SLC45A1: variants seen among roughly 807,000 people sequenced by gnomAD.
SLC45A1 encodes the protein proton-associated sugar transporter A.
SLC45A1 carries 28 observed loss-of-function variants against 57.6 expected under a neutral mutation model. The ratio of observed to expected loss-of-function variants is 0.49; its 90% CI spans 0.36 to 0.67. The LOEUF is 0.67. SLC45A1 is among the 30% of genes least tolerant of loss of function. SLC45A1 has a pLI of 0.00. For synonymous variants in SLC45A1, 459 were observed against 471.5 expected, an observed-to-expected ratio of 0.97 and a Z score of 0.34; for missense variants, 814 against 1,041.5, an observed-to-expected ratio of 0.78 and a Z score of 3.01.
At chr1:8,332,086 C>T (rs1263818449) in intron 5 of SLC45A1, among the ~76,000 whole-genome samples, 1 of 152,236 alleles carries the variant, frequency 6.6e-6, no homozygotes, top group African/African-American at 2.4e-5. Context: ...GCCACTGCGC[C>T]CGGCCGACAA....
In SLC45A1 at chr1:8,326,747, G is replaced by A. The variant is rs1055539283; in HGVS notation, c.715+705G>A. Among the ~76,000 whole-genome samples, 1 of 152,170 alleles carries A rather than the reference G, an allele frequency of 6.6e-6. No individual in the cohort carries two copies. The highest frequency in any genetic ancestry group is 1.5e-5 in the Non-Finnish European group (1 of 68,024). Reference sequence around the variant, plus strand: ...TAATCCCAGCACTTTGGGAGGGTGAGGTGGGTGGATCACCTGAGGTCGGGA... The same window carrying A: ...TAATCCCAGCACTTTGGGAGGGTGAAGTGGGTGGATCACCTGAGGTCGGGA... On this transcript the variant is annotated intron_variant, in intron 4 of 8. Coordinates refer to ENST00000471889, the MANE Select transcript of SLC45A1 (RefSeq NM_001080397.3). The surrounding 1 kb of genome is among the most constrained non-coding windows in gnomAD (Gnocchi z 5.5).
At chr1:8,332,548 G>T (rs1640448215) in intron 5 of SLC45A1, among the ~76,000 whole-genome samples, 3 of 144,020 alleles carry the variant, frequency 2.1e-5, no homozygotes, top group Admixed American at 7.2e-5. Flanking sequence ...GTCTTGCTCT[G>T]TTGCCCAGGC....
chr1:8,321,692 G>T (rs528159286), intron 1 of SLC45A1, among the ~76,000 whole-genome samples: 32 of 152,196 alleles, frequency 2.1e-4, no homozygotes, highest in African/African-American at 7.7e-4. Context: ...TAGGTAGATG[G>T]GTGAGTGGAA....
rs137913067 is a variant in SLC45A1, at chr1:8,328,362, C to T, written c.716-1847C>T. Among the ~76,000 whole-genome samples the T allele has an allele frequency of 1.5e-3, 232 of 152,318 alleles. 7 individuals are homozygous for T. In the East Asian group the frequency reaches 0.04, roughly 26 times the overall value. Reference sequence around the variant, plus strand: ...ACTTCCACAAGCCTCGGTCGCATCTCCTGGAAAATGTTGCCGCTTCTCTTC... The same window carrying T: ...ACTTCCACAAGCCTCGGTCGCATCTTCTGGAAAATGTTGCCGCTTCTCTTC... On this transcript the variant is annotated intron_variant, in intron 4 of 8. Coordinates refer to ENST00000471889, the MANE Select transcript of SLC45A1 (RefSeq NM_001080397.3). This position sits in a 1 kb window ranked among gnomAD's most constrained non-coding sequence, Gnocchi z 4.6.
chr1:8,328,531 G>A lies in SLC45A1; in HGVS notation c.716-1678G>A, dbSNP rs1309918611. 6.6e-6 allele frequency among the ~76,000 whole-genome samples: 1 copy of A among 152,148 alleles called. No individual in the cohort carries two copies. The highest frequency in any genetic ancestry group is 2.4e-5 in the African/African-American group (1 of 41,420). Reference sequence around the variant, plus strand: ...AGAATGCACCACTTTGATCATTCAAGAAAATTAGCTAGTAAAGTTCATCTG... The same window carrying A: ...AGAATGCACCACTTTGATCATTCAAAAAAATTAGCTAGTAAAGTTCATCTG... On this transcript the variant is annotated intron_variant, in intron 4 of 8. Coordinates refer to ENST00000471889, the MANE Select transcript of SLC45A1 (RefSeq NM_001080397.3). The surrounding 1 kb of genome is among the most constrained non-coding windows in gnomAD (Gnocchi z 4.6).
intron 1 of SLC45A1, among the ~76,000 whole-genome samples, chr1:8,322,984 T>C (rs1303278017): frequency 6.6e-6 from 1 of 152,166 alleles, no homozygotes; most frequent in African/African-American, 2.4e-5. Flanking sequence ...CAAGCTAACA[T>C]ATTAGAATCC....
Position 8,343,657 on chromosome 1 carries a change from G to C in SLC45A1, c.1981-90G>C. 1 of 1,469,280 alleles carries C rather than the reference G, an allele frequency of 6.8e-7. No homozygotes were observed. Among genetic ancestry groups the C allele is most frequent in the Non-Finnish European group, 9.2e-7 (1 of 1,087,706 alleles). The allele number at this position is 1,469,280 out of a possible 1,614,324, so 91.0% of individuals were successfully genotyped here. A position where few individuals can be genotyped will look rare whatever the true frequency, so the allele number is the denominator to read the frequency against. ...TGAGGCCGCTGTGTGTGGGCCGCTC[G>C]GGCCTCCTGGGCTCGCAGGACACAC... On this transcript the variant is annotated intron_variant, in intron 8 of 8. Transcript: ENST00000471889. The surrounding 1 kb of genome is among the most constrained non-coding windows in gnomAD (Gnocchi z 7.7).
chr1:8,324,614 T>C lies in SLC45A1; in HGVS notation c.285T>C (p.Phe95=). 2 of 1,612,478 alleles carry C rather than the reference T, an allele frequency of 1.2e-6. No homozygotes were observed. The highest frequency in any genetic ancestry group is 2.7e-5 in the African/African-American group (2 of 74,944). The change falls in exon 2 of 9, where the codon TTT becomes TTC. Residue 95 remains phenylalanine (F), a synonymous_variant. Transcript: ENST00000471889. The part of the protein sequence containing the change: ...RELLFNGCIL[F]GIEFSYAMET... ...TGCTTTTCAACGGCTGCATTCTCTT[T>C]GGCATCGAGTTCAGCTACGCCATGG...
At chr1:8,337,707 C>A in intron 6 of SLC45A1, 109 bp from the exon 7 acceptor site, 1 of 1,070,574 alleles carries the variant, frequency 9.3e-7, no homozygotes, top group Non-Finnish European at 1.4e-6. Context: ...CGTGAGCCAC[C>A]ACGCCCAGCT....
chr1:8,331,155 C>T (rs1027239962), intron 5 of SLC45A1, among the ~76,000 whole-genome samples: 4 of 152,242 alleles, frequency 2.6e-5, no homozygotes, highest in African/African-American at 9.6e-5. Flanking sequence ...GCAGGAGGAT[C>T]GCTTGAACTC....
chr1:8,342,921 AAAAG>A lies in SLC45A1; in HGVS notation c.1981-814_1981-811del, dbSNP rs138660173. On this transcript the variant is annotated intron_variant, in intron 8 of 8. Coordinates refer to ENST00000471889, the MANE Select transcript of SLC45A1 (RefSeq NM_001080397.3). ...CTCAAAAAAAAAAAAAAGAAAAGAG[AAAAG>A]AAAGAAAGAAAAGAAATGTGACCTG... Among the ~76,000 whole-genome samples the A allele has an allele frequency of 5.2e-3, 790 of 150,994 alleles. 8 individuals are homozygous for A. The highest frequency in any genetic ancestry group is 0.018 in the African/African-American group (758 of 41,186).
At chr1:8,336,971 AC>A (rs1640632936) in intron 6 of SLC45A1, among the ~76,000 whole-genome samples, 1 of 152,134 alleles carries the variant, frequency 6.6e-6, no homozygotes, top group African/African-American at 2.4e-5. Context: ...CTCCACTGCT[AC>A]CCTTGCCTCA....
At chr1:8,331,270 T>G (rs1439766601) in intron 5 of SLC45A1, among the ~76,000 whole-genome samples, 1 of 150,072 alleles carries the variant, frequency 6.7e-6, no homozygotes, top group Non-Finnish European at 1.5e-5. Flanking sequence ...TAAAAAACAC[T>G]TTTAAAAAAT....
rs2124335647 is a variant in SLC45A1, at chr1:8,344,045, T to C, written c.*32T>C. The C allele has an allele frequency of 1.3e-6, 2 of 1,579,228 alleles. No homozygotes were observed. The highest frequency in any genetic ancestry group is 8.6e-7 in the Non-Finnish European group (1 of 1,160,702). On this transcript the variant is annotated 3_prime_UTR_variant, in exon 9 of 9. Transcript: ENST00000471889. ...GGAGCCTCGACTCCGGACACGCGCCTGCACCTGGGGGTCTGGAGCAGGCCG... is the reference window on the plus strand; with the variant it reads ...GGAGCCTCGACTCCGGACACGCGCCCGCACCTGGGGGTCTGGAGCAGGCCG...
chr1:8,343,961 C>T lies in SLC45A1; in HGVS notation c.2195C>T (p.Pro732Leu). 6.2e-7 allele frequency: 1 copy of T among 1,613,910 alleles called. No individual in the cohort carries two copies. Among genetic ancestry groups the T allele is most frequent in the East Asian group, 2.2e-5 (1 of 44,872 alleles). The change falls in exon 9 of 9, where the codon CCT becomes CTT. Residue 732 changes from proline (P) to leucine (L), a missense_variant. Physicochemically the swap from Pro to Leu is moderately conservative, Grantham distance 98 (BLOSUM62 -3). Coordinates refer to ENST00000471889, the MANE Select transcript of SLC45A1 (RefSeq NM_001080397.3). The surrounding 1 kb of genome is among the most constrained non-coding windows in gnomAD (Gnocchi z 7.7). ...TCCCTGTTTGTCATTTATGAAATTCCTCCCAGCGACGCTGCAGACGAGGAG... is the reference window on the plus strand; with the variant it reads ...TCCCTGTTTGTCATTTATGAAATTCTTCCCAGCGACGCTGCAGACGAGGAG... ...YSSLFVIYEI[P>L]PSDAADEEHR...
chr1:8,337,771 G>T (rs369409984), intron 6 of SLC45A1, 45 bp from the exon 7 acceptor site: 6 of 1,564,778 alleles, frequency 3.8e-6, no homozygotes, highest in Non-Finnish European at 5.2e-6. Context: ...AGGGCAGAGT[G>T]TTGGCCTTTG....
intron 1 of SLC45A1, among the ~76,000 whole-genome samples, chr1:8,321,535 G>C (rs879723471): frequency 6.6e-6 from 1 of 152,142 alleles, no homozygotes. Flanking sequence ...CCCCCAGGAA[G>C]GCCCTTTCCT....
chr1:8,344,105 G>C lies in SLC45A1; in HGVS notation c.*92G>C. On this transcript the variant is annotated 3_prime_UTR_variant, in exon 9 of 9. Coordinates refer to ENST00000471889, the MANE Select transcript of SLC45A1 (RefSeq NM_001080397.3). ...GACCAAAGGGCCTTGTTGGACAGGGGGACTGGCTGCCTACTGGAATGTAAA... is the reference window on the plus strand; with the variant it reads ...GACCAAAGGGCCTTGTTGGACAGGGCGACTGGCTGCCTACTGGAATGTAAA... 8.1e-7 allele frequency: 1 copy of C among 1,240,380 alleles called. No homozygotes were observed. The highest frequency in any genetic ancestry group is 1.1e-6 in the Non-Finnish European group (1 of 898,814). 76.8% of individuals were successfully genotyped at this position (1,240,380 alleles called of 1,614,324 possible).
chr1:8,337,323 C>G (rs901230313), intron 6 of SLC45A1, among the ~76,000 whole-genome samples: 3 of 152,222 alleles, frequency 2.0e-5, no homozygotes, highest in Non-Finnish European at 2.9e-5. Flanking sequence ...CGGGGTCCCG[C>G]CCACGACACA....
Sources: gnomAD v4.1 joint callset for allele counts (sites outside exome capture counted in the v4.1 genomes callset) on GRCh38, gnomAD v4.1.1 for gene constraint, Gnocchi (gnomAD v3.1) non-coding constraint, MANE v1.5 for transcripts, NCBI Gene and HGNC (gene_info 2026-07-23, HGNC 2026-07-21) for gene names.